Variants in ADAMTS3 observed in about 807,000 individuals in gnomAD.
ADAMTS3 encodes A disintegrin and metalloproteinase with thrombospondin motifs 3.
ADAMTS3 carries 73 observed loss-of-function variants against 129.0 expected under a neutral mutation model. The observed-to-expected ratio is 0.57, with a 90% CI of 0.47 to 0.69. The LOEUF (loss-of-function observed/expected upper bound fraction) is 0.69. ADAMTS3 is among the 30% of genes least tolerant of loss of function. The pLI, the probability that ADAMTS3 is intolerant of heterozygous loss-of-function variation, is 0.00. For missense variants in ADAMTS3, 1,457 were observed against 1,514.5 expected, an observed-to-expected ratio of 0.96 and a Z score of 0.63; for synonymous variants, 477 against 510.8, an observed-to-expected ratio of 0.93 and a Z score of 0.89.
At chr4:72,428,558 T>C (rs1722623984) in intron 3 of ADAMTS3, among the ~76,000 whole-genome samples, 1 of 152,074 alleles carries the variant, frequency 6.6e-6, no homozygotes, top group Admixed American at 6.6e-5. Context: ...TGCTCATTTT[T>C]TTATGCTTTC....
intron 3 of ADAMTS3, among the ~76,000 whole-genome samples, chr4:72,429,541 T>A (rs2109944066): frequency 6.6e-6 from 1 of 152,156 alleles, no homozygotes; most frequent in South Asian, 2.1e-4. Context: ...AAAAGCATTA[T>A]TAAACATACC....
At chr4:72,373,920 TAATAATAATAATAA>T in intron 4 of ADAMTS3, among the ~76,000 whole-genome samples, 1 of 98,948 alleles carries the variant, frequency 1.0e-5, no homozygotes, top group South Asian at 5.8e-4. Flanking sequence ...ATAATAATAA[TAATAATAATAATAA>T]TAATAATAAT....
At chr4:72,364,682 T>A (rs1434977280) in intron 4 of ADAMTS3, among the ~76,000 whole-genome samples, 1 of 152,098 alleles carries the variant, frequency 6.6e-6, no homozygotes, top group African/African-American at 2.4e-5. Context: ...TATGTGCAAT[T>A]TCTCAACAAT....
chr4:72,292,356 A>C (rs1718695711), intron 19 of ADAMTS3, among the ~76,000 whole-genome samples: 1 of 152,154 alleles, frequency 6.6e-6, no homozygotes, highest in African/African-American at 2.4e-5. Flanking sequence ...TTATTTCTAC[A>C]GTTGTTGCTA....
At chr4:72,511,154 G>A (rs544256105) in intron 3 of ADAMTS3, among the ~76,000 whole-genome samples, 1 of 152,198 alleles carries the variant, frequency 6.6e-6, no homozygotes, top group East Asian at 1.9e-4. Context: ...TTAAATCTCA[G>A]AGCTCAAATT....
rs770814778 is a variant in ADAMTS3, at chr4:72,315,898, T to C, written c.1559A>G (p.Lys520Arg). 2 of 1,612,990 alleles carry C rather than the reference T, an allele frequency of 1.2e-6. No individual in the cohort carries two copies. The highest frequency in any genetic ancestry group is 8.5e-7 in the Non-Finnish European group (1 of 1,179,246). The stretch of plus-strand genomic sequence containing the variant: ...TTCAGTCCCATCAAGTGGAGGTCCC[T>C]TTTTAGTCTTACAAAAGTAGGGATT... Reference protein sequence around the residue: ...PDNPYFCKTKKGPPLDGTECA... With the variant: ...PDNPYFCKTKRGPPLDGTECA... The change falls in exon 11 of 22, where the codon AAG becomes AGG. Residue 520 changes from lysine to arginine, a missense_variant. Transcript: ENST00000286657.
At chr4:72,344,794 AGAG>A (rs1329821517) in intron 4 of ADAMTS3, among the ~76,000 whole-genome samples, 1 of 152,140 alleles carries the variant, frequency 6.6e-6, no homozygotes, top group Non-Finnish European at 1.5e-5. Context: ...CATGCTGAAT[AGAG>A]GAGAGTCTGA....
chr4:72,394,487 C>A (rs114324203), intron 4 of ADAMTS3, among the ~76,000 whole-genome samples: 1 of 152,112 alleles, frequency 6.6e-6, no homozygotes, highest in African/African-American at 2.4e-5. Context: ...CTGTCTCTTG[C>A]GTGAATTCTG....
chr4:72,313,897 T>C (rs1719315576), intron 11 of ADAMTS3, 75 bp from the exon 12 acceptor site: 24 of 1,540,664 alleles, frequency 1.6e-5, no homozygotes, highest in Middle Eastern at 1.7e-4. Context: ...AAGAACCATC[T>C]AGTTGAAGGG....
chr4:72,385,565 G>C (rs1721424738), intron 4 of ADAMTS3, among the ~76,000 whole-genome samples: 1 of 152,124 alleles, frequency 6.6e-6, no homozygotes, highest in African/African-American at 2.4e-5. Flanking sequence ...TAATAAAAAA[G>C]CTAGCTAGGC....
At chr4:72,563,694 C>T (rs1225455105) in intron 2 of ADAMTS3, among the ~76,000 whole-genome samples, 1 of 152,148 alleles carries the variant, frequency 6.6e-6, no homozygotes, top group African/African-American at 2.4e-5. Flanking sequence ...GCCATTGTCA[C>T]CATCTTCATT....
chr4:72,475,460 C>A (rs937857793), intron 3 of ADAMTS3, among the ~76,000 whole-genome samples: 1 of 151,848 alleles, frequency 6.6e-6, no homozygotes, highest in Non-Finnish European at 1.5e-5. Context: ...GAAGAAGACA[C>A]AGCAATCTTA....
At chr4:72,453,407 C>G (rs1718459335) in intron 3 of ADAMTS3, among the ~76,000 whole-genome samples, 1 of 151,680 alleles carries the variant, frequency 6.6e-6, no homozygotes, top group African/African-American at 2.4e-5. Context: ...ATTCATTATT[C>G]CAAGTATTTT....
chr4:72,360,133 A>T (rs1212526648), intron 4 of ADAMTS3, among the ~76,000 whole-genome samples: 3 of 152,192 alleles, frequency 2.0e-5, no homozygotes, highest in Non-Finnish European at 2.9e-5. Flanking sequence ...GTAATCACTC[A>T]GACTGCTTTA....
At chr4:72,382,444 T>C (rs552588768) in intron 4 of ADAMTS3, among the ~76,000 whole-genome samples, 137 of 152,142 alleles carry the variant, frequency 9.0e-4, no homozygotes, top group African/African-American at 3.1e-3. Context: ...GGAATGTAAA[T>C]TTGGTCAACC....
intron 19 of ADAMTS3, among the ~76,000 whole-genome samples, 181 bp downstream of exon 19, chr4:72,295,473 A>G (rs1718780414): frequency 1.3e-5 from 2 of 152,098 alleles, no homozygotes; most frequent in African/African-American, 2.4e-5. Flanking sequence ...GTTTTTGAGG[A>G]ACAAGAATGT....
chr4:72,323,589 T>C (rs554201253), intron 5 of ADAMTS3, among the ~76,000 whole-genome samples: 1 of 152,036 alleles, frequency 6.6e-6, no homozygotes, highest in Non-Finnish European at 1.5e-5. Flanking sequence ...TGGTAGTGTA[T>C]CTGAGGGCCA....
At chr4:72,436,448 C>T (rs372799910) in intron 3 of ADAMTS3, among the ~76,000 whole-genome samples, 19 of 152,162 alleles carry the variant, frequency 1.2e-4, no homozygotes, top group South Asian at 4.2e-4. Flanking sequence ...GACAGTGTGG[C>T]GATTCCTCAA....
At chr4:72,415,036 C>T (rs1722270677) in intron 3 of ADAMTS3, 65 bp from the exon 4 acceptor site, 1 of 1,173,580 alleles carries the variant, frequency 8.5e-7, no homozygotes, top group Admixed American at 3.1e-5. Context: ...CTCACAAGCA[C>T]ATCTTTTTAA....
Sources: gnomAD v4.1 joint callset for allele counts (sites outside exome capture counted in the v4.1 genomes callset) on GRCh38, gnomAD v4.1.1 for gene constraint, MANE v1.5 for transcripts, NCBI Gene and HGNC (gene_info 2026-07-23, HGNC 2026-07-21) for gene names.